GLYAT: variants seen among roughly 807,000 people sequenced by gnomAD.
The protein encoded by GLYAT is glycine N-acyltransferase.
GLYAT carries 25 observed loss-of-function variants against 22.8 expected under a neutral mutation model. That is an observed-to-expected ratio of 1.09 (90% CI 0.80 to 1.53). The LOEUF (loss-of-function observed/expected upper bound fraction) is 1.53. Among genes scored for constraint, GLYAT ranks in the 40% most tolerant of loss-of-function variants. The probability of loss-of-function intolerance (pLI) is 0.00; values close to 1 mark genes in which losing one functional copy is unlikely to be tolerated. For synonymous variants in GLYAT, 140 were observed against 122.7 expected (o/e 1.14, Z -0.93); for missense variants, 411 against 353.9 (o/e 1.16, Z -1.29).
At chr11:58,719,541 C>T (rs1856723882) in intron 2 of GLYAT, among the ~76,000 whole-genome samples, 1 of 152,028 alleles carries the variant, frequency 6.6e-6, no homozygotes, top group South Asian at 2.1e-4. Flanking sequence ...CAAAATCAGG[C>T]ATTACACTCT....
intron 3 of GLYAT, among the ~76,000 whole-genome samples, chr11:58,714,718 T>C (rs1412089373): frequency 6.6e-6 from 1 of 152,116 alleles, no homozygotes. Flanking sequence ...TTCTTTCTCC[T>C]GCCACCATGT....
At chr11:58,719,481 CT>C (rs1188232545) in intron 2 of GLYAT, among the ~76,000 whole-genome samples, 2 of 151,872 alleles carry the variant, frequency 1.3e-5, no homozygotes, top group Non-Finnish European at 2.9e-5. Flanking sequence ...ATCAGTGTTC[CT>C]TTGACATTAA....
At chr11:58,719,870 T>G (rs1393523541) in intron 2 of GLYAT, among the ~76,000 whole-genome samples, 1 of 151,994 alleles carries the variant, frequency 6.6e-6, no homozygotes, top group Non-Finnish European at 1.5e-5. Flanking sequence ...TATGATAACT[T>G]GATCATATAA....
At chr11:58,730,300 C>T (rs1856858866) in intron 1 of GLYAT, among the ~76,000 whole-genome samples, 1 of 152,096 alleles carries the variant, frequency 6.6e-6, no homozygotes, top group Admixed American at 6.5e-5. Context: ...CACAGCAAGA[C>T]CCCAATCTCT....
intron 3 of GLYAT, among the ~76,000 whole-genome samples, chr11:58,714,684 G>A (rs1856657823): frequency 6.6e-6 from 1 of 152,030 alleles, no homozygotes; most frequent in Admixed American, 6.6e-5. Context: ...TTTATAAGGG[G>A]CTTCCCCATT....
chr11:58,709,791 T>G lies in GLYAT; in HGVS notation c.866A>C (p.Asn289Thr). 2 of 1,612,722 alleles carry G rather than the reference T, an allele frequency of 1.2e-6. No individual in the cohort carries two copies. Among genetic ancestry groups the G allele is most frequent in the Non-Finnish European group, 1.7e-6 (2 of 1,179,182 alleles). ...TCACAGAGGTACACAGTTCCACTGGTTCCAGCTTCTGGGAATGGGAACATG... is the reference window on the plus strand; with the variant it reads ...TCACAGAGGTACACAGTTCCACTGGGTCCAGCTTCTGGGAATGGGAACATG... Reference protein sequence around the residue: ...LQHVPIPRSWNQWNCVPL With the variant: ...LQHVPIPRSWTQWNCVPL The change falls in exon 6 of 6, where the codon AAC becomes ACC. Residue 289 changes from asparagine to threonine, a missense_variant. Transcript: ENST00000344743.
chr11:58,724,951 C>T (rs1362156442), intron 1 of GLYAT, among the ~76,000 whole-genome samples: 1 of 152,074 alleles, frequency 6.6e-6, no homozygotes, highest in Non-Finnish European at 1.5e-5. Context: ...TGAATACCTG[C>T]AATGTGCTTA....
At position 58,709,556 on chromosome 11, in the gene GLYAT, G is replaced by A. The variant is rs768707798; in HGVS notation, c.*210C>T. ...GGGAGGTAAATTGCTTATGTCAAAT[G>A]TAAGAGGACCTGGGCCTGCTTCCCA... On this transcript the variant is annotated 3_prime_UTR_variant, in exon 6 of 6. Coordinates refer to ENST00000344743, the MANE Select transcript of GLYAT (RefSeq NM_201648.3). 9.9e-6 allele frequency: 5 copies of A among 503,122 alleles called. No homozygotes were observed. The highest frequency in any genetic ancestry group is 1.7e-5 in the Non-Finnish European group (5 of 287,170). The allele number at this position is 503,122 out of a possible 1,614,324, so 31.2% of individuals were successfully genotyped here. A position where few individuals can be genotyped will look rare whatever the true frequency, so the allele number is the denominator to read the frequency against.
Position 58,709,318 on chromosome 11 carries a change from C to G in GLYAT, c.*448G>C, listed in dbSNP as rs118119913. 6.3e-6 allele frequency: 1 copy of G among 157,990 alleles called. No individual in the cohort carries two copies. The highest frequency in any genetic ancestry group is 1.9e-4 in the East Asian group (1 of 5,390). The allele number at this position is 157,990 out of a possible 1,614,324, so 9.8% of individuals were successfully genotyped here. ...AGTAGCAATAACAGGAGAGGATAAT[C>G]TCTAAAGACCTGCTGAGGAGAGTCC... On this transcript the variant is annotated 3_prime_UTR_variant, in exon 6 of 6. Coordinates refer to ENST00000344743, the MANE Select transcript of GLYAT (RefSeq NM_201648.3).
rs1856578587 is a variant in GLYAT at position 58,709,246 on chromosome 11, T to A, written c.*520A>T. ...TATATCATGTATACTGTATTTAGCC[T>A]AATATCCCATATATATTTGTGTCCA... On this transcript the variant is annotated 3_prime_UTR_variant, in exon 6 of 6. Transcript: ENST00000344743. 6.5e-6 allele frequency: 1 copy of A among 153,850 alleles called. No individual in the cohort carries two copies. The highest frequency in any genetic ancestry group is 2.0e-4 in the South Asian group (1 of 4,914). 9.5% of individuals were successfully genotyped at this position (153,850 alleles called of 1,614,324 possible).
chr11:58,725,274 A>G (rs377616371), intron 1 of GLYAT, among the ~76,000 whole-genome samples: 2 of 152,310 alleles, frequency 1.3e-5, no homozygotes, highest in African/African-American at 4.8e-5. Flanking sequence ...AGAAATTACT[A>G]AGTAATACAA....
chr11:58,729,756 G>A (rs1856852213), intron 1 of GLYAT, among the ~76,000 whole-genome samples: 1 of 152,126 alleles, frequency 6.6e-6, no homozygotes, highest in African/African-American at 2.4e-5. Context: ...ATTATATCTT[G>A]AAGAAAACTC....
chr11:58,729,354 G>A (rs1352158138), intron 1 of GLYAT, among the ~76,000 whole-genome samples: 1 of 152,082 alleles, frequency 6.6e-6, no homozygotes, highest in Non-Finnish European at 1.5e-5. Flanking sequence ...TCTCATAAGT[G>A]TTTATGCATA....
chr11:58,714,410 T>C (rs1284016136), intron 3 of GLYAT, among the ~76,000 whole-genome samples: 1 of 152,220 alleles, frequency 6.6e-6, no homozygotes, highest in Non-Finnish European at 1.5e-5. Context: ...AATAAGCTTA[T>C]GCATTTTTAT....
chr11:58,719,001 G>T (rs574680504), intron 2 of GLYAT, among the ~76,000 whole-genome samples: 1 of 151,934 alleles, frequency 6.6e-6, no homozygotes, highest in Non-Finnish European at 1.5e-5. Flanking sequence ...ATTCATATTT[G>T]GCAATGCCTT....
At chr11:58,729,192 T>C (rs1225695395) in intron 1 of GLYAT, among the ~76,000 whole-genome samples, 4 of 152,116 alleles carry the variant, frequency 2.6e-5, no homozygotes. Flanking sequence ...TCTTTCTACA[T>C]TTATTCTCAG....
chr11:58,729,191 A>T (rs1856846744), intron 1 of GLYAT, among the ~76,000 whole-genome samples: 1 of 152,036 alleles, frequency 6.6e-6, no homozygotes, highest in African/African-American at 2.4e-5. Context: ...GTCTTTCTAC[A>T]TTTATTCTCA....
Position 58,709,645 on chromosome 11 carries a change from G to T in GLYAT, c.*121C>A. ...TTGAACATCACACTGCTTCCCCAGAGTCCAAACAGTGCCCACTCCTTTACT... is the reference window on the plus strand; with the variant it reads ...TTGAACATCACACTGCTTCCCCAGATTCCAAACAGTGCCCACTCCTTTACT... On this transcript the variant is annotated 3_prime_UTR_variant, in exon 6 of 6. Transcript: ENST00000344743. The T allele has an allele frequency of 9.6e-7, 1 of 1,038,296 alleles. No homozygotes were observed. The highest frequency in any genetic ancestry group is 1.4e-6 in the Non-Finnish European group (1 of 709,996). 64.3% of individuals were successfully genotyped at this position (1,038,296 alleles called of 1,614,324 possible).
At chr11:58,728,885 A>AAG (rs1856839731) in intron 1 of GLYAT, among the ~76,000 whole-genome samples, 20 of 121,650 alleles carry the variant, frequency 1.6e-4, no homozygotes, top group African/African-American at 6.0e-4. Context: ...AAAGAAAGAA[A>AAG]GAAAGAAGGA....
Sources: allele counts gnomAD v4.1 joint callset (sites outside exome capture counted in the v4.1 genomes callset), GRCh38; gene constraint gnomAD v4.1.1; transcripts MANE v1.5; gene names NCBI Gene and HGNC (gene_info 2026-07-23, HGNC 2026-07-21).